Variants in PCDHGB1 observed in about 807,000 individuals in gnomAD.
PCDHGB1 encodes the protein protocadherin gamma subfamily B, 1, also known as protocadherin gamma-B1.
Under a neutral mutation model 56.6 loss-of-function variants are expected in PCDHGB1, and 34 were observed. That is an observed-to-expected ratio of 0.60 (90% CI 0.46 to 0.80). The LOEUF (loss-of-function observed/expected upper bound fraction) is 0.80. Among genes scored for constraint, PCDHGB1 ranks in the 30% least tolerant of loss-of-function variants. The probability of loss-of-function intolerance (pLI) is 0.00; values close to 1 mark genes in which losing one functional copy is unlikely to be tolerated. For synonymous variants in PCDHGB1, 561 were observed against 505.9 expected (o/e 1.11, Z -1.46); for missense variants, 1,278 against 1,204.6 (o/e 1.06, Z -0.90).
intron 1 of PCDHGB1, chr5:141,403,278 T>C (rs1254967384): frequency 1.2e-6 from 2 of 1,613,784 alleles, no homozygotes; most frequent in Non-Finnish European, 1.7e-6. Context: ...TTTAAAGTCC[T>C]GGTTGAAGAC....
chr5:141,471,568 A>G (rs947450908), intron 1 of PCDHGB1: 3 of 152,214 alleles, frequency 2.0e-5, no homozygotes, highest in Non-Finnish European at 2.9e-5. Context: ...CAGGGGTAGC[A>G]GTAGATAGGG....
At chr5:141,423,360 G>A (rs762976655) in intron 1 of PCDHGB1, 1 of 1,614,224 alleles carries the variant, frequency 6.2e-7, no homozygotes, top group Non-Finnish European at 8.5e-7. Context: ...TTGTCATCGT[G>A]CTGCTGGCAC....
chr5:141,370,488 C>G (rs758506114), intron 1 of PCDHGB1: 2 of 1,613,906 alleles, frequency 1.2e-6, no homozygotes, highest in South Asian at 2.2e-5. Context: ...TCTCTCCGAA[C>G]CGATCCGCTA....
At chr5:141,418,836 C>T (rs2096292464) in intron 1 of PCDHGB1, 1 of 1,613,984 alleles carries the variant, frequency 6.2e-7, no homozygotes, top group Non-Finnish European at 8.5e-7. Flanking sequence ...GACCGAGGAT[C>T]TCTCTCAACA....
rs775643473 is a variant in PCDHGB1 at position 141,355,907 on chromosome 5, A to G, written c.2409+3238A>G. ...ATTCTCATAATACTTGTGGATACCA[A>G]CGATAATGCTCCCGTGTTCACTCAG... On this transcript the variant is annotated intron_variant, in intron 1 of 3. Coordinates refer to ENST00000523390, the MANE Select transcript of PCDHGB1 (RefSeq NM_018922.3). 3.1e-6 allele frequency: 5 copies of G among 1,613,664 alleles called. No individual in the cohort carries two copies. The African/African-American group carries it at 4.0e-5, about 13-fold the overall frequency.
Position 141,393,873 on chromosome 5 carries a change from A to G in PCDHGB1, c.2409+41204A>G, listed in dbSNP as rs759255236. The G allele has an allele frequency of 1.9e-6, 3 of 1,613,916 alleles. No individual in the cohort carries two copies. In the Admixed American group the frequency reaches 5.0e-5, roughly 27 times the overall value. On this transcript the variant is annotated intron_variant, in intron 1 of 3. Coordinates refer to ENST00000523390, the MANE Select transcript of PCDHGB1 (RefSeq NM_018922.3). ...AGAAGTGATCATTACGTCTTTGTTT[A>G]GCCCAGTGTTAGAAAATTCTCTTCC...
intron 1 of PCDHGB1, chr5:141,420,119 T>C: frequency 6.2e-7 from 1 of 1,614,044 alleles, no homozygotes; most frequent in Non-Finnish European, 8.5e-7. Context: ...TGCCTATAAT[T>C]TTTGTGTGCC....
chr5:141,407,873 A>T (rs561323423), intron 1 of PCDHGB1: 1 of 354,686 alleles, frequency 2.8e-6, no homozygotes, highest in Non-Finnish European at 5.1e-6. Flanking sequence ...CGAAGAATAT[A>T]TACATTTCGG....
At chr5:141,392,922 G>A (rs2092629176) in intron 1 of PCDHGB1, 1 of 1,613,946 alleles carries the variant, frequency 6.2e-7, no homozygotes, top group African/African-American at 1.3e-5. Context: ...CTCTGTGCCA[G>A]AAGAGACGGA....
chr5:141,383,038 G>C, intron 1 of PCDHGB1: 1 of 1,613,858 alleles, frequency 6.2e-7, no homozygotes, highest in Non-Finnish European at 8.5e-7. Flanking sequence ...CTTTGTGGGA[G>C]ACATCGCCAA....
chr5:141,422,691 C>A, intron 1 of PCDHGB1: 1 of 1,603,878 alleles, frequency 6.2e-7, no homozygotes, highest in Non-Finnish European at 8.5e-7. Flanking sequence ...ATGCCCTGGT[C>A]ACTTACTCTC....
At chr5:141,384,283 G>T (rs762515266) in intron 1 of PCDHGB1, 17 of 1,613,644 alleles carry the variant, frequency 1.1e-5, no homozygotes, top group Admixed American at 1.7e-5. Flanking sequence ...AGTCTACATC[G>T]CTGAGAACAA....
At chr5:141,405,380 A>G in intron 1 of PCDHGB1, 1 of 1,602,960 alleles carries the variant, frequency 6.2e-7, no homozygotes, top group Non-Finnish European at 8.5e-7. Context: ...GGTTCCGGTG[A>G]GTTCATTTTT....
At chr5:141,394,618 C>T (rs1439211567) in intron 1 of PCDHGB1, 2 of 1,613,396 alleles carry the variant, frequency 1.2e-6, no homozygotes, top group African/African-American at 1.3e-5. Context: ...GGCCAGAACG[C>T]CTGGCTGTCC....
At chr5:141,394,400 G>A (rs747087099) in intron 1 of PCDHGB1, 2 of 1,614,246 alleles carry the variant, frequency 1.2e-6, no homozygotes, top group South Asian at 2.2e-5. Flanking sequence ...GAGACCTGCA[G>A]CTACTGGTAA....
chr5:141,423,706 A>C (rs1045905298), intron 1 of PCDHGB1: 1 of 1,231,762 alleles, frequency 8.1e-7, no homozygotes, highest in Admixed American at 3.4e-5. Context: ...TCTTGGCACA[A>C]GTCTTTTAAG....
Position 141,490,563 on chromosome 5 carries a change from G to C in PCDHGB1, c.2410-4244G>C. On this transcript the variant is annotated intron_variant, in intron 1 of 3. Coordinates refer to ENST00000523390, the MANE Select transcript of PCDHGB1 (RefSeq NM_018922.3). This position sits in a 1 kb window ranked among gnomAD's most constrained non-coding sequence, Gnocchi z 5.4. ...CCCTACACAAACATCTCACCATCAG[G>C]CTCAACATTTCAGATGTCAATGACA... 1 of 1,614,022 alleles carries C rather than the reference G, an allele frequency of 6.2e-7. No individual in the cohort carries two copies. Among genetic ancestry groups the C allele is most frequent in the Non-Finnish European group, 8.5e-7 (1 of 1,180,008 alleles).
intron 1 of PCDHGB1, chr5:141,408,546 A>G (rs777449394): frequency 6.2e-7 from 1 of 1,613,898 alleles, no homozygotes; most frequent in Non-Finnish European, 8.5e-7. Context: ...AATCCTTTAA[A>G]TATTTTTCAT....
rs2099664737 is a variant in PCDHGB1, at chr5:141,487,754, G to GTAGAC, written c.2410-7052_2410-7048dup. 1 of 1,552,036 alleles carries GTAGAC rather than the reference G, an allele frequency of 6.4e-7. No homozygotes were observed. The highest frequency in any genetic ancestry group is 1.4e-5 in the African/African-American group (1 of 73,242). ...CATTTTTGTAAGAGGTAACTATGTG[G>GTAGAC]TAGACGCTGTGCTTTGTAACTGTTT... On this transcript the variant is annotated intron_variant, in intron 1 of 3. Transcript: ENST00000523390. This position sits in a 1 kb window ranked among gnomAD's most constrained non-coding sequence, Gnocchi z 5.0.
Sources: gnomAD v4.1 joint callset for allele counts on GRCh38, gnomAD v4.1.1 for gene constraint, Gnocchi (gnomAD v3.1) non-coding constraint, MANE v1.5 for transcripts, NCBI Gene and HGNC (gene_info 2026-07-23, HGNC 2026-07-21) for gene names.